CTNNBIP1: variants seen among roughly 807,000 people sequenced by gnomAD.
CTNNBIP1 encodes the protein beta-catenin-interacting protein 1.
In CTNNBIP1, 7 loss-of-function variants were observed where a neutral mutation model predicts 11.8. The observed-to-expected ratio is 0.60, with a 90% CI of 0.34 to 1.12. The LOEUF (loss-of-function observed/expected upper bound fraction) is 1.12. Among genes scored for constraint, CTNNBIP1 ranks in the 50% most tolerant of loss-of-function variants. The pLI is 0.03. For synonymous variants in CTNNBIP1, 58 were observed against 43.9 expected, an observed-to-expected ratio of 1.32 and a Z score of -1.26; for missense variants, 101 against 113.4, an observed-to-expected ratio of 0.89 and a Z score of 0.50.
intron 1 of CTNNBIP1, among the ~76,000 whole-genome samples, chr1:9,896,407 C>T (rs1467090253): frequency 2.6e-5 from 4 of 152,128 alleles, no homozygotes; most frequent in Non-Finnish European, 5.9e-5. Context: ...TGAAATGAAA[C>T]CTAGAAGTCA....
At chr1:9,859,026 C>T (rs1445709013) in intron 5 of CTNNBIP1, among the ~76,000 whole-genome samples, 1 of 152,170 alleles carries the variant, frequency 6.6e-6, no homozygotes, top group South Asian at 2.1e-4. Context: ...AAAAACACCA[C>T]CAAAGCAGCC....
chr1:9,899,840 G>A (rs1055886722), intron 1 of CTNNBIP1, among the ~76,000 whole-genome samples: 30 of 152,130 alleles, frequency 2.0e-4, no homozygotes, highest in Admixed American at 1.6e-3. Context: ...TTGGGAGGCC[G>A]AGGTGGGTGG....
rs907039517 is a variant in CTNNBIP1, at chr1:9,878,843, A to C, written c.-109-854T>G. Among the ~76,000 whole-genome samples, 14 of 152,244 alleles carry C rather than the reference A, an allele frequency of 9.2e-5. 1 individual carries two copies. In the East Asian group the frequency reaches 2.7e-3, roughly 29 times the overall value. The stretch of plus-strand genomic sequence containing the variant: ...AAGGCATGTATCAATCATCCCAATA[A>C]ATGGTGAGGGCACAGGTCTGTGGTT... On this transcript the variant is annotated intron_variant, in intron 2 of 5. Coordinates refer to ENST00000377263, the MANE Select transcript of CTNNBIP1 (RefSeq NM_020248.3).
intron 5 of CTNNBIP1, among the ~76,000 whole-genome samples, chr1:9,853,669 C>G (rs556738535): frequency 6.6e-6 from 1 of 152,228 alleles, no homozygotes; most frequent in Non-Finnish European, 1.5e-5. Flanking sequence ...TCTGTCTCCC[C>G]CCTTGGTATC....
chr1:9,858,304 C>CATG (rs1476190686), intron 5 of CTNNBIP1, among the ~76,000 whole-genome samples: 1 of 152,106 alleles, frequency 6.6e-6, no homozygotes, highest in African/African-American at 2.4e-5. Context: ...TTGCTCAAAA[C>CATG]CCTCCAGAAG....
In CTNNBIP1 at chr1:9,850,412, T is replaced by G. The variant is rs946468585; in HGVS notation, c.*306A>C. ...GGGAAGCCAGATACCGAGGCGCAAA[T>G]TTTTTAAAAAATAAGAGTCAGAAAT... On this transcript the variant is annotated 3_prime_UTR_variant, in exon 6 of 6. Transcript: ENST00000377263. 3.8e-6 allele frequency: 1 copy of G among 261,664 alleles called. No individual in the cohort carries two copies. Among genetic ancestry groups the G allele is most frequent in the African/African-American group, 2.2e-5 (1 of 45,140 alleles). 16.2% of individuals were successfully genotyped at this position (261,664 alleles called of 1,614,324 possible). A position where few individuals can be genotyped will look rare whatever the true frequency, so the allele number is the denominator to read the frequency against.
chr1:9,885,636 C>A (rs1258643520), intron 1 of CTNNBIP1, among the ~76,000 whole-genome samples: 1 of 149,872 alleles, frequency 6.7e-6, no homozygotes, highest in African/African-American at 2.5e-5. Flanking sequence ...AGGGCAAGAC[C>A]CTGTCTCTAA....
Position 9,891,200 on chromosome 1 carries a change from T to C in CTNNBIP1, c.-143-7462A>G, listed in dbSNP as rs74054137. 6.4e-3 allele frequency among the ~76,000 whole-genome samples: 969 copies of C among 152,268 alleles called. 13 individuals carry two copies. The highest frequency in any genetic ancestry group is 0.022 in the African/African-American group (925 of 41,540). ...TTCTCCACAAGGTACATAAGGTCCC[T>C]TCACTCTGAACCACACTGACATGTT... On this transcript the variant is annotated intron_variant, in intron 1 of 5. Coordinates refer to ENST00000377263, the MANE Select transcript of CTNNBIP1 (RefSeq NM_020248.3).
rs996959465 is a variant in CTNNBIP1 at position 9,871,737 on chromosome 1, G to C, written c.96+232C>G. On this transcript the variant is annotated intron_variant, in intron 4 of 5. Coordinates refer to ENST00000377263, the MANE Select transcript of CTNNBIP1 (RefSeq NM_020248.3). This position sits in a 1 kb window ranked among gnomAD's most constrained non-coding sequence, Gnocchi z 5.2. ...GGTCAGGGCCTTGAGACCCTCACCC[G>C]CCTGGCCCCAATCCGGCAGTGTCGG... 6.6e-6 allele frequency among the ~76,000 whole-genome samples: 1 copy of C among 152,136 alleles called. No homozygotes were observed. The highest frequency in any genetic ancestry group is 1.9e-4 in the East Asian group (1 of 5,172).
At chr1:9,861,843 T>C (rs1638634829) in intron 5 of CTNNBIP1, among the ~76,000 whole-genome samples, 1 of 152,190 alleles carries the variant, frequency 6.6e-6, no homozygotes, top group Non-Finnish European at 1.5e-5. Context: ...CAGGGGGAAG[T>C]CCCTGCACAT....
chr1:9,871,160 G>A lies in CTNNBIP1; in HGVS notation c.187+27C>T. The A allele has an allele frequency of 6.5e-7, 1 of 1,533,170 alleles. No individual in the cohort carries two copies. Among genetic ancestry groups the A allele is most frequent in the Non-Finnish European group, 8.8e-7 (1 of 1,134,500 alleles). The allele number at this position is 1,533,170 out of a possible 1,614,324, so 95.0% of individuals were successfully genotyped here. A position where few individuals can be genotyped will look rare whatever the true frequency, so the allele number is the denominator to read the frequency against. The stretch of plus-strand genomic sequence containing the variant: ...CGGTGCCCCTGGGACTTGTGCCACT[G>A]CCCCAGCCCCTCTGCCGCCAACTCA... On this transcript the variant is annotated intron_variant, in intron 5 of 5. Coordinates refer to ENST00000377263, the MANE Select transcript of CTNNBIP1 (RefSeq NM_020248.3). The surrounding 1 kb of genome is among the most constrained non-coding windows in gnomAD (Gnocchi z 5.2).
chr1:9,893,443 G>A (rs764243985), intron 1 of CTNNBIP1, among the ~76,000 whole-genome samples: 15 of 152,098 alleles, frequency 9.9e-5, no homozygotes, highest in Non-Finnish European at 1.9e-4. Flanking sequence ...GGCAAAACTG[G>A]TCTGTTAAGA....
At chr1:9,884,856 G>C (rs902166741) in intron 1 of CTNNBIP1, among the ~76,000 whole-genome samples, 1 of 152,080 alleles carries the variant, frequency 6.6e-6, no homozygotes, top group Non-Finnish European at 1.5e-5. Flanking sequence ...GGGAGTTGGG[G>C]AGCAGAGCTG....
chr1:9,901,233 T>G (rs769831904), intron 1 of CTNNBIP1, among the ~76,000 whole-genome samples: 1 of 152,158 alleles, frequency 6.6e-6, no homozygotes, highest in Non-Finnish European at 1.5e-5. Context: ...TTTAGGATAT[T>G]TGGCAAGGGT....
In CTNNBIP1 at chr1:9,851,668, G is replaced by C. The variant is rs549786867; in HGVS notation, c.188-892C>G. Among the ~76,000 whole-genome samples, 8 of 152,310 alleles carry C rather than the reference G, an allele frequency of 5.3e-5. No individual in the cohort carries two copies. The highest frequency in any genetic ancestry group is 1.9e-4 in the African/African-American group (8 of 41,572). On this transcript the variant is annotated intron_variant, in intron 5 of 5. Transcript: ENST00000377263. This position sits in a 1 kb window ranked among gnomAD's most constrained non-coding sequence, Gnocchi z 4.8. The stretch of plus-strand genomic sequence containing the variant: ...TTATAGGCAGGAGCCACCGTGCCCA[G>C]CCAATCCTTCTTTTTCTTAATCCTG...
At chr1:9,882,474 G>T (rs1243723887) in intron 2 of CTNNBIP1, among the ~76,000 whole-genome samples, 1 of 152,186 alleles carries the variant, frequency 6.6e-6, no homozygotes, top group African/African-American at 2.4e-5. Flanking sequence ...AGTTGGTAGG[G>T]GTGGCATACA....
chr1:9,881,431 C>T (rs1050883744), intron 2 of CTNNBIP1, among the ~76,000 whole-genome samples: 18 of 150,930 alleles, frequency 1.2e-4, no homozygotes, highest in African/African-American at 4.4e-4. Flanking sequence ...CCTCCGCCTC[C>T]CAGGTTCAAG....
Position 9,864,453 on chromosome 1 carries a change from T to C in CTNNBIP1, c.187+6734A>G, listed in dbSNP as rs528800723. Reference sequence around the variant, plus strand: ...ACGCCATTCTCCTGCCTCAGCCTCCTGAGTAGCCAGGACTACAGGCGCCCG... The same window carrying C: ...ACGCCATTCTCCTGCCTCAGCCTCCCGAGTAGCCAGGACTACAGGCGCCCG... On this transcript the variant is annotated intron_variant, in intron 5 of 5. Transcript: ENST00000377263. Among the ~76,000 whole-genome samples the C allele has an allele frequency of 1.6e-4, 24 of 152,318 alleles. No homozygotes were observed. In the East Asian group the frequency reaches 2.1e-3, roughly 13 times the overall value.
In CTNNBIP1 at chr1:9,867,589, A is replaced by T. The variant is rs939965506; in HGVS notation, c.187+3598T>A. 6.6e-6 allele frequency among the ~76,000 whole-genome samples: 1 copy of T among 152,168 alleles called. No homozygotes were observed. Among genetic ancestry groups the T allele is most frequent in the Non-Finnish European group, 1.5e-5 (1 of 67,994 alleles). On this transcript the variant is annotated intron_variant, in intron 5 of 5. Coordinates refer to ENST00000377263, the MANE Select transcript of CTNNBIP1 (RefSeq NM_020248.3). This position sits in a 1 kb window ranked among gnomAD's most constrained non-coding sequence, Gnocchi z 4.6. ...CCCCCTGCTAGAGGAGTCCCGGGGT[A>T]GATGGAGCCTCCTCTGGCTCAGGGA...
Sources: gnomAD v4.1 joint callset for allele counts (sites outside exome capture counted in the v4.1 genomes callset) on GRCh38, gnomAD v4.1.1 for gene constraint, Gnocchi (gnomAD v3.1) non-coding constraint, MANE v1.5 for transcripts, NCBI Gene and HGNC (gene_info 2026-07-23, HGNC 2026-07-21) for gene names.